The following SLC25A43 variants were observed in gnomAD, a reference collection of about 807,000 sequenced individuals.
SLC25A43 encodes the protein solute carrier family 25 member 43.
SLC25A43 carries 10 observed loss-of-function variants against 22.8 expected under a neutral mutation model. The observed-to-expected ratio is 0.44, with a 90% CI of 0.27 to 0.74. The LOEUF (loss-of-function observed/expected upper bound fraction) is 0.74. Ranked by LOEUF, SLC25A43 falls within the 30% of genes least tolerant of loss-of-function variation. The probability of loss-of-function intolerance (pLI) is 0.17; values close to 1 mark genes in which losing one functional copy is unlikely to be tolerated. For missense variants in SLC25A43, 233 were observed against 279.1 expected, an observed-to-expected ratio of 0.83 and a Z score of 1.18; for synonymous variants, 106 against 121.6, an observed-to-expected ratio of 0.87 and a Z score of 0.84.
At chrX:119,422,436 G>C (rs760927885) in intron 3 of SLC25A43, among the ~76,000 whole-genome samples, 95 of 112,375 alleles carry the variant, frequency 8.5e-4, no homozygotes, top group African/African-American at 2.8e-3. Flanking sequence ...CTGTCTTATG[G>C]CCCATGCCAC....
At chrX:119,444,716 AAAAG>A (rs2052650634) in intron 3 of SLC25A43, among the ~76,000 whole-genome samples, 1 of 103,723 alleles carries the variant, frequency 9.6e-6, no homozygotes, top group Non-Finnish European at 2.0e-5. Context: ...AAAAAAAAAA[AAAAG>A]AAGAAATTGA....
intron 3 of SLC25A43, among the ~76,000 whole-genome samples, chrX:119,433,624 A>G (rs1161110414): frequency 8.9e-6 from 1 of 112,293 alleles, no homozygotes; most frequent in Non-Finnish European, 1.9e-5. Context: ...TCTTTAGAAA[A>G]TTGGGAATTG....
intron 3 of SLC25A43, among the ~76,000 whole-genome samples, chrX:119,446,720 C>T (rs992431776): frequency 1.8e-5 from 2 of 112,126 alleles, no homozygotes; most frequent in Non-Finnish European, 3.8e-5. Flanking sequence ...AATTCCAGCC[C>T]ACTCTTATAC....
intron 3 of SLC25A43, among the ~76,000 whole-genome samples, chrX:119,416,318 A>C (rs1260052371): frequency 2.1e-4 from 23 of 110,356 alleles, no homozygotes; most frequent in African/African-American, 7.6e-4. Context: ...CTCCCAGGTT[A>C]AAGCGATTCT....
At chrX:119,410,653 C>T (rs986238722) in intron 3 of SLC25A43, among the ~76,000 whole-genome samples, 2 of 111,214 alleles carry the variant, frequency 1.8e-5, no homozygotes, top group South Asian at 3.8e-4. Flanking sequence ...TTTGGGAGGG[C>T]GGAGGCGGGT....
intron 3 of SLC25A43, among the ~76,000 whole-genome samples, chrX:119,432,208 A>T (rs1394967184): frequency 9.0e-6 from 1 of 111,694 alleles, no homozygotes; most frequent in Non-Finnish European, 1.9e-5. Context: ...CCAAGGAAAT[A>T]TGAATACTAA....
chrX:119,442,067 G>A (rs2052627410), intron 3 of SLC25A43, among the ~76,000 whole-genome samples: 1 of 106,526 alleles, frequency 9.4e-6, no homozygotes, highest in South Asian at 4.0e-4. Flanking sequence ...TCCAGCCTGG[G>A]TGACAGAGCG....
chrX:119,420,936 G>A (rs1449176537), intron 3 of SLC25A43, among the ~76,000 whole-genome samples: 2 of 109,685 alleles, frequency 1.8e-5, no homozygotes, highest in Non-Finnish European at 3.8e-5. Context: ...ATGAAACCCC[G>A]TCTCTACTAA....
chrX:119,408,272 A>G (rs1300856505), intron 2 of SLC25A43, among the ~76,000 whole-genome samples: 1 of 111,057 alleles, frequency 9.0e-6, no homozygotes, highest in Non-Finnish European at 1.9e-5. Context: ...CCCTTTATAC[A>G]TGCTATTCCC....
At chrX:119,415,947 G>A (rs1438962712) in intron 3 of SLC25A43, among the ~76,000 whole-genome samples, 2 of 103,389 alleles carry the variant, frequency 1.9e-5, no homozygotes, top group African/African-American at 7.2e-5. Context: ...GGTAGAGGCT[G>A]CGGTGAGCCG....
At chrX:119,414,015 G>A (rs917063144) in intron 3 of SLC25A43, among the ~76,000 whole-genome samples, 1 of 111,750 alleles carries the variant, frequency 8.9e-6, no homozygotes, top group Non-Finnish European at 1.9e-5. Context: ...ACTCCAGAAA[G>A]GTTGTAAGTT....
At chrX:119,445,096 G>GAGTA (rs1445260723) in intron 3 of SLC25A43, among the ~76,000 whole-genome samples, 1 of 100,480 alleles carries the variant, frequency 1.0e-5, no homozygotes, top group Non-Finnish European at 2.0e-5. Context: ...AATAGCTAAT[G>GAGTA]AGTAGAAGAG....
At chrX:119,441,771 G>A (rs141781774) in intron 3 of SLC25A43, among the ~76,000 whole-genome samples, 410 of 111,659 alleles carry the variant, frequency 3.7e-3, no homozygotes, top group African/African-American at 0.013. Flanking sequence ...TTAAGCAGGT[G>A]AGTAAAAGGA....
intron 4 of SLC25A43, among the ~76,000 whole-genome samples, chrX:119,452,360 C>G (rs778635783): frequency 1.1e-4 from 12 of 111,008 alleles, no homozygotes; most frequent in Admixed American, 3.9e-4. Flanking sequence ...AGGAGCTGAG[C>G]ATTTAGTGCA....
intron 3 of SLC25A43, among the ~76,000 whole-genome samples, chrX:119,427,799 T>C (rs1373060628): frequency 1.8e-5 from 2 of 112,265 alleles, no homozygotes; most frequent in East Asian, 5.6e-4. Flanking sequence ...CTCCTTCCTG[T>C]GTGCTCCAGC....
rs181290565 is a variant in SLC25A43 at position 119,448,272 on chromosome X, C to T, written c.691-3737C>T. Among the ~76,000 whole-genome samples, 215 of 111,618 alleles carry T rather than the reference C, an allele frequency of 1.9e-3. 1 individual carries two copies. The highest frequency in any genetic ancestry group is 6.7e-3 in the African/African-American group (206 of 30,765). ...CTCTTGCCTAAATTACTCTAGTAAT[C>T]TCCTAACCAGTCTCCATCCTACTTT... is the stretch of plus-strand genomic sequence containing the variant. On this transcript the variant is annotated intron_variant, in intron 3 of 4. Coordinates refer to ENST00000217909, the MANE Select transcript of SLC25A43 (RefSeq NM_145305.3).
At chrX:119,446,880 A>G (rs1384677069) in intron 3 of SLC25A43, among the ~76,000 whole-genome samples, 1 of 112,451 alleles carries the variant, frequency 8.9e-6, no homozygotes, top group African/African-American at 3.2e-5. Context: ...TAAATTGGAC[A>G]TGATTACAGT....
At position 119,399,420 on chromosome X, in the gene SLC25A43, G is replaced by T. The variant is rs1317650522; in HGVS notation, c.17G>T (p.Arg6Leu). The change falls in exon 1 of 5, where the codon CGG (arginine) becomes CTG (leucine). Residue 6 changes from arginine (R) to leucine (L), a missense_variant. Physicochemically the swap from Arg to Leu is moderately radical, Grantham distance 102. Coordinates refer to ENST00000217909, the MANE Select transcript of SLC25A43 (RefSeq NM_145305.3). ...CGGGGCTCGATGGCTACGTGGAGGC[G>T]GGACGGCCGACTGACAGGCGGCCAA... is the stretch of plus-strand genomic sequence containing the variant. MATWR[R>L]DGRLTGGQRL... 5 of 1,020,205 alleles carry T rather than the reference G, an allele frequency of 4.9e-6. No individual in the cohort carries two copies. In the African/African-American group the frequency reaches 1.0e-4, roughly 20 times the overall value. 84.1% of individuals were successfully genotyped at this position (1,020,205 alleles called of 1,213,427 possible).
In SLC25A43 at chrX:119,425,005, A is replaced by T. The variant is rs184232004; in HGVS notation, c.690+14643A>T. ...AGATGAATTTTGGGAGGACACAAAC[A>T]CTCAGAGCATAACGAGCCTGGCTTT... is the stretch of plus-strand genomic sequence containing the variant. On this transcript the variant is annotated intron_variant, in intron 3 of 4. Transcript: ENST00000217909. Among the ~76,000 whole-genome samples the T allele has an allele frequency of 1.8e-4, 20 of 111,456 alleles. No homozygotes were observed. In the East Asian group the frequency reaches 5.4e-3, roughly 30 times the overall value.
Sources: allele counts gnomAD v4.1 joint callset (sites outside exome capture counted in the v4.1 genomes callset), GRCh38; gene constraint gnomAD v4.1.1; transcripts MANE v1.5; gene names NCBI Gene and HGNC (gene_info 2026-07-23, HGNC 2026-07-21).